CNTN3: variants seen among roughly 807,000 people sequenced by gnomAD.
CNTN3 encodes contactin 3, also known as contactin-3.
In CNTN3, 60 loss-of-function variants were observed where a neutral mutation model predicts 119.1. The ratio of observed to expected loss-of-function variants is 0.50; its 90% CI spans 0.41 to 0.62. CNTN3 has a LOEUF of 0.62. Ranked by LOEUF, CNTN3 falls within the 20% of genes least tolerant of loss-of-function variation. The pLI, the probability that CNTN3 is intolerant of heterozygous loss-of-function variation, is 0.00. For missense variants in CNTN3, 1,101 were observed against 1,242.4 expected (o/e 0.89, Z 1.71); for synonymous variants, 450 against 438.7 (o/e 1.03, Z -0.32).
At chr3:74,272,084 C>T (rs768778527) in intron 20 of CNTN3, among the ~76,000 whole-genome samples, 10 of 152,088 alleles carry the variant, frequency 6.6e-5, no homozygotes, top group Non-Finnish European at 1.2e-4. Flanking sequence ...TTGTCTAGAG[C>T]AGGGGTGTCC....
chr3:74,574,760 T>G (rs527721375), intron 1 of CNTN3, among the ~76,000 whole-genome samples: 1 of 152,184 alleles, frequency 6.6e-6, no homozygotes, highest in Admixed American at 6.5e-5. Flanking sequence ...TCAAAGGTTA[T>G]AGCTTCTGCC....
At position 74,465,723 on chromosome 3, in the gene CNTN3, C is replaced by T. The variant is rs80134619; in HGVS notation, c.358+20733G>A. On this transcript the variant is annotated intron_variant, in intron 4 of 22. Transcript: ENST00000263665. ...ATTTACTTTCAGAACCCTCCATTGC[C>T]CCACCCTGCCAGTGTGTGAGGACAC... Among the ~76,000 whole-genome samples the T allele has an allele frequency of 8.8e-3, 1,337 of 152,276 alleles. 17 individuals carry two copies. Among genetic ancestry groups the T allele is most frequent in the African/African-American group, 0.031 (1,270 of 41,560 alleles).
At chr3:74,321,332 G>A (rs1702983291) in intron 13 of CNTN3, among the ~76,000 whole-genome samples, 1 of 151,906 alleles carries the variant, frequency 6.6e-6, no homozygotes, top group Non-Finnish European at 1.5e-5. Flanking sequence ...TCAATAAAAG[G>A]TGGTTTTAAA....
chr3:74,588,557 T>C (rs1559669641), intron 1 of CNTN3, among the ~76,000 whole-genome samples: 1 of 151,898 alleles, frequency 6.6e-6, no homozygotes, highest in Non-Finnish European at 1.5e-5. Flanking sequence ...TTCAATGCCA[T>C]CCCCATCAAG....
intron 1 of CNTN3, among the ~76,000 whole-genome samples, chr3:74,593,533 T>C (rs1026740535): frequency 2.0e-5 from 3 of 152,140 alleles, no homozygotes; most frequent in Non-Finnish European, 2.9e-5. Flanking sequence ...TTTGCATTAA[T>C]GTGAAAAATA....
chr3:74,462,754 T>C (rs774171200), intron 4 of CNTN3, among the ~76,000 whole-genome samples: 1 of 152,144 alleles, frequency 6.6e-6, no homozygotes, highest in Non-Finnish European at 1.5e-5. Context: ...TTTCCCCTTC[T>C]AGTTTGTAAA....
chr3:74,588,605 C>T (rs866225800), intron 1 of CNTN3, among the ~76,000 whole-genome samples: 6 of 152,084 alleles, frequency 3.9e-5, no homozygotes, highest in South Asian at 2.1e-4. Flanking sequence ...GAAAAAACTA[C>T]TTTAACGTTC....
At chr3:74,378,513 G>A (rs1704538244) in intron 5 of CNTN3, among the ~76,000 whole-genome samples, 1 of 152,142 alleles carries the variant, frequency 6.6e-6, no homozygotes, top group Non-Finnish European at 1.5e-5. Flanking sequence ...CAATGACCAA[G>A]GAGGAAAAAC....
intron 1 of CNTN3, among the ~76,000 whole-genome samples, chr3:74,528,968 A>G (rs1211005663): frequency 6.6e-6 from 1 of 151,824 alleles, no homozygotes; most frequent in Non-Finnish European, 1.5e-5. Context: ...GTAAACCACA[A>G]ACATAAGGTG....
chr3:74,359,586 C>G (rs923155252), intron 11 of CNTN3, among the ~76,000 whole-genome samples: 3 of 152,032 alleles, frequency 2.0e-5, no homozygotes, highest in Non-Finnish European at 4.4e-5. Context: ...CTGGCTAAAT[C>G]AGAAATTCCA....
At chr3:74,360,954 C>T (rs1704059645) in intron 11 of CNTN3, among the ~76,000 whole-genome samples, 1 of 152,010 alleles carries the variant, frequency 6.6e-6, no homozygotes, top group South Asian at 2.1e-4. Flanking sequence ...ACTGCTAAGA[C>T]TTTAGTTCCA....
In CNTN3 at chr3:74,285,180, G is replaced by C. The variant is rs1358241561; in HGVS notation, c.2704+125C>G. The C allele has an allele frequency of 7.8e-6, 8 of 1,029,458 alleles. No individual in the cohort carries two copies. The South Asian group carries it at 8.8e-5, about 11-fold the overall frequency. The allele number at this position is 1,029,458 out of a possible 1,614,324, so 63.8% of individuals were successfully genotyped here. A position where few individuals can be genotyped will look rare whatever the true frequency, so the allele number is the denominator to read the frequency against. On this transcript the variant is annotated intron_variant, in intron 20 of 22. Coordinates refer to ENST00000263665, the MANE Select transcript of CNTN3 (RefSeq NM_020872.3). ...AGTTGGGTTTTGGAGTTAGGTTTTG[G>C]AGTTAGGTTTATATAATCTAGTGAG...
intron 13 of CNTN3, 77 bp from the exon 14 acceptor site, chr3:74,302,884 A>C (rs1702487671): frequency 1.2e-6 from 1 of 864,352 alleles, no homozygotes; most frequent in Non-Finnish European, 1.9e-6. Context: ...ATGGCCAAAA[A>C]CAACAACATT....
chr3:74,321,225 C>T (rs569438610), intron 13 of CNTN3, among the ~76,000 whole-genome samples: 41 of 152,142 alleles, frequency 2.7e-4, no homozygotes, highest in Non-Finnish European at 5.0e-4. Flanking sequence ...ACCTTGGCAT[C>T]ATGCAATATA....
At chr3:74,592,743 T>A (rs1211441471) in intron 1 of CNTN3, among the ~76,000 whole-genome samples, 2 of 152,020 alleles carry the variant, frequency 1.3e-5, no homozygotes, top group Non-Finnish European at 2.9e-5. Flanking sequence ...TAGAATAACC[T>A]CTCTTGTTCT....
In CNTN3 at chr3:74,594,498, A is replaced by G. The variant is rs535278866; in HGVS notation, c.-81+19893T>C. ...GTGATGTTCCCCTTCCTGTGTCCAT[A>G]TGTTCTCATTGTTCAATTCCCATCT... On this transcript the variant is annotated intron_variant, in intron 1 of 22. Transcript: ENST00000263665. Among the ~76,000 whole-genome samples the G allele has an allele frequency of 5.7e-4, 86 of 150,190 alleles. 3 individuals are homozygous for G. In the South Asian group the frequency reaches 0.017, roughly 29 times the overall value.
intron 11 of CNTN3, among the ~76,000 whole-genome samples, chr3:74,356,031 T>C (rs1353537363): frequency 2.0e-5 from 3 of 152,000 alleles, no homozygotes; most frequent in Non-Finnish European, 4.4e-5. Context: ...CTCATGCTCA[T>C]TGTGATGGTA....
At chr3:74,365,038 A>G (rs1235891938) in intron 9 of CNTN3, among the ~76,000 whole-genome samples, 1 of 152,150 alleles carries the variant, frequency 6.6e-6, no homozygotes, top group East Asian at 1.9e-4. Flanking sequence ...TGGGAAACAC[A>G]TATATTTACC....
intron 5 of CNTN3, among the ~76,000 whole-genome samples, chr3:74,394,952 G>A (rs79589846): frequency 6.4e-4 from 97 of 152,172 alleles, no homozygotes; most frequent in African/African-American, 2.2e-3. Flanking sequence ...TATGGAAAAT[G>A]TTTCCTGTGC....
Sources: gnomAD v4.1 joint callset for allele counts (sites outside exome capture counted in the v4.1 genomes callset) on GRCh38, gnomAD v4.1.1 for gene constraint, MANE v1.5 for transcripts, NCBI Gene and HGNC (gene_info 2026-07-23, HGNC 2026-07-21) for gene names.